Variants in LARGE1 observed in about 807,000 individuals in gnomAD.
The protein encoded by LARGE1 is LARGE xylosyl- and glucuronyltransferase 1.
Under a neutral mutation model 87.6 loss-of-function variants are expected in LARGE1, and 43 were observed. That is an observed-to-expected ratio of 0.49 (90% CI 0.38 to 0.63). LARGE1 has a LOEUF of 0.63. Among genes scored for constraint, LARGE1 ranks in the 30% least tolerant of loss-of-function variants. The pLI, the probability that LARGE1 is intolerant of heterozygous loss-of-function variation, is 0.00. For missense variants in LARGE1, 802 were observed against 1,000.2 expected, an observed-to-expected ratio of 0.80 and a Z score of 2.67; for synonymous variants, 434 against 394.6, an observed-to-expected ratio of 1.10 and a Z score of -1.18.
At chr22:33,230,004 CTTTTTTTTTTTTTTTTT>C (rs557120175) in intron 11 of LARGE1, among the ~76,000 whole-genome samples, 1 of 81,136 alleles carries the variant, frequency 1.2e-5, no homozygotes, top group East Asian at 3.9e-4. Context: ...TTTCAAAGTT[CTTTTTTTTTTTTTTTTT>C]TTTTTTTTTG....
At chr22:33,514,474 TA>T (rs1385220222) in intron 6 of LARGE1, among the ~76,000 whole-genome samples, 1 of 151,880 alleles carries the variant, frequency 6.6e-6, no homozygotes, top group African/African-American at 2.4e-5. Flanking sequence ...ACAATGAAAA[TA>T]AAAATAAACG....
At chr22:33,154,547 T>C in the LARGE1 span, among the ~76,000 whole-genome samples, 8 of 152,340 alleles carry the variant, frequency 5.3e-5, no homozygotes, top group African/African-American at 1.9e-4. Flanking sequence ...GCCAGGTTTA[T>C]GTTTAATACA....
intron 4 of LARGE1, among the ~76,000 whole-genome samples, chr22:33,608,004 A>G (rs1322420199): frequency 6.6e-6 from 1 of 152,174 alleles, no homozygotes; most frequent in East Asian, 1.9e-4. Flanking sequence ...ATGAAGGGAC[A>G]ATGCTGTGTT....
chr22:33,558,251 T>C (rs1304545523), intron 6 of LARGE1, among the ~76,000 whole-genome samples: 3 of 152,110 alleles, frequency 2.0e-5, no homozygotes, highest in Admixed American at 6.5e-5. Flanking sequence ...GGGATTGTCT[T>C]GAAAGGTCTT....
intron 9 of LARGE1, among the ~76,000 whole-genome samples, chr22:33,354,666 AC>A (rs1940724529): frequency 6.6e-6 from 1 of 152,258 alleles, no homozygotes; most frequent in Non-Finnish European, 1.5e-5. Flanking sequence ...GCTGAATGCT[AC>A]AAATATTTTT....
intron 1 of LARGE1, among the ~76,000 whole-genome samples, chr22:33,784,922 T>TACATATATGTATATACACGTGTATAC (rs2085554122): frequency 4.6e-5 from 7 of 151,300 alleles, no homozygotes; most frequent in South Asian, 2.1e-4. Flanking sequence ...TGTGTGTATA[T>TACATATATGTATATACACGTGTATAC]ACATATATGT....
upstream of LARGE1, chr22:33,922,671 G>A (rs1051894956): frequency 1.7e-4 from 26 of 152,238 alleles, no homozygotes; most frequent in African/African-American, 5.8e-4. Context: ...AGCAGATTCT[G>A]TTTCTGATGC....
intron 2 of LARGE1, among the ~76,000 whole-genome samples, chr22:33,687,158 T>TC: frequency 6.6e-6 from 1 of 151,760 alleles, no homozygotes; most frequent in East Asian, 1.9e-4. Flanking sequence ...TCTTCCTTTT[T>TC]TTTTTTTTTT....
At chr22:33,129,228 T>C in the LARGE1 span, among the ~76,000 whole-genome samples, 1 of 152,116 alleles carries the variant, frequency 6.6e-6, no homozygotes, top group African/African-American at 2.4e-5. Flanking sequence ...GATCAAAGAT[T>C]GAAAGGAATT....
chr22:33,775,804 A>G (rs2085215756), intron 1 of LARGE1, among the ~76,000 whole-genome samples: 1 of 149,698 alleles, frequency 6.7e-6, no homozygotes, highest in African/African-American at 2.5e-5. Context: ...GGGAGCCGAG[A>G]TCGCGCCACT....
chr22:33,243,018 G>A (rs909067668), intron 11 of LARGE1, among the ~76,000 whole-genome samples: 1 of 152,074 alleles, frequency 6.6e-6, no homozygotes, highest in African/African-American at 2.4e-5. Context: ...ACATTGGATT[G>A]AGTGCTCACC....
intron 11 of LARGE1, among the ~76,000 whole-genome samples, chr22:33,254,136 C>T (rs1470797593): frequency 6.6e-6 from 1 of 152,134 alleles, no homozygotes; most frequent in Admixed American, 6.5e-5. Context: ...TTGGCAGGGA[C>T]TCAAAGGCAG....
intron 1 of LARGE1, among the ~76,000 whole-genome samples, chr22:33,821,611 G>A (rs1021412402): frequency 2.6e-5 from 4 of 152,184 alleles, no homozygotes; most frequent in African/African-American, 9.7e-5. Flanking sequence ...CCGAGAAGGG[G>A]AACAGAGTGG....
intron 1 of LARGE1, among the ~76,000 whole-genome samples, chr22:33,812,774 T>A (rs1178689915): frequency 6.6e-6 from 1 of 152,162 alleles, no homozygotes; most frequent in Non-Finnish European, 1.5e-5. Context: ...TTCTTCACAG[T>A]TTATTTGCTC....
At chr22:33,085,262 C>T in the LARGE1 span, among the ~76,000 whole-genome samples, 2 of 152,108 alleles carry the variant, frequency 1.3e-5, no homozygotes, top group Non-Finnish European at 2.9e-5. Flanking sequence ...GGTGACAGAG[C>T]GAGACTCCGT....
intron 11 of LARGE1, among the ~76,000 whole-genome samples, chr22:33,306,182 G>A (rs893021623): frequency 6.6e-6 from 1 of 152,128 alleles, no homozygotes; most frequent in Non-Finnish European, 1.5e-5. Context: ...CATTCTCCAT[G>A]ACGCCTAATT....
At chr22:33,120,308 A>T in the LARGE1 span, among the ~76,000 whole-genome samples, 1 of 152,004 alleles carries the variant, frequency 6.6e-6, no homozygotes, top group Non-Finnish European at 1.5e-5. Context: ...GGATAACCAC[A>T]TCATAAACTG....
chr22:33,363,577 G>C, intron 9 of LARGE1, among the ~76,000 whole-genome samples: 1 of 149,508 alleles, frequency 6.7e-6, no homozygotes, highest in South Asian at 2.2e-4. Flanking sequence ...TTCAAGATGA[G>C]GTTTGGGTGG....
intron 6 of LARGE1, among the ~76,000 whole-genome samples, chr22:33,499,698 C>G (rs2070335781): frequency 6.6e-6 from 1 of 152,122 alleles, no homozygotes; most frequent in Non-Finnish European, 1.5e-5. Flanking sequence ...GAGTCCTAAG[C>G]TCCTCTGTCA....
Sources: gnomAD v4.1 joint callset for allele counts (sites outside exome capture counted in the v4.1 genomes callset) on GRCh38, gnomAD v4.1.1 for gene constraint, MANE v1.5 for transcripts, NCBI Gene and HGNC (gene_info 2026-07-23, HGNC 2026-07-21) for gene names.